Variants in IL1RAPL1 observed in about 807,000 individuals in gnomAD.
IL1RAPL1 encodes the protein interleukin 1 receptor accessory protein like 1.
IL1RAPL1 carries 3 observed loss-of-function variants against 48.4 expected under a neutral mutation model. That is an observed-to-expected ratio of 0.06 (90% CI 0.03 to 0.16). The LOEUF (loss-of-function observed/expected upper bound fraction) is 0.16, where lower values mean the gene tolerates loss of function less well. Among genes scored for constraint, IL1RAPL1 ranks in the 10% least tolerant of loss-of-function variants. The pLI is 1.00. For synonymous variants in IL1RAPL1, 185 were observed against 187.7 expected (o/e 0.99, Z 0.12); for missense variants, 349 against 530.6 (o/e 0.66, Z 3.36).
At chrX:28,650,984 T>A (rs972536598) in intron 1 of IL1RAPL1, among the ~76,000 whole-genome samples, 32 of 112,224 alleles carry the variant, frequency 2.9e-4, no homozygotes, top group African/African-American at 1.0e-3. Context: ...CTAACATGAC[T>A]TCATAAGCGG....
chrX:28,713,699 A>G (rs1935468471), intron 1 of IL1RAPL1, among the ~76,000 whole-genome samples: 1 of 111,308 alleles, frequency 9.0e-6, no homozygotes, highest in African/African-American at 3.3e-5. Context: ...CCTGTTTTCA[A>G]ACTCATACAT....
chrX:28,612,327 G>A (rs760997252), intron 1 of IL1RAPL1, among the ~76,000 whole-genome samples: 2 of 112,350 alleles, frequency 1.8e-5, no homozygotes, highest in Admixed American at 1.9e-4. Context: ...AAACATTGGT[G>A]TCTGCCCTCA....
intron 2 of IL1RAPL1, among the ~76,000 whole-genome samples, chrX:28,956,752 G>C (rs1297089138): frequency 1.9e-4 from 21 of 108,322 alleles, no homozygotes; most frequent in African/African-American, 7.1e-4. Flanking sequence ...GCCTGGCTTT[G>C]GTATCAGAAT....
chrX:29,494,069 A>AT (rs1429718566), intron 5 of IL1RAPL1, among the ~76,000 whole-genome samples: 142 of 98,449 alleles, frequency 1.4e-3, no homozygotes, highest in African/African-American at 3.0e-3. Flanking sequence ...TACTTTTTGT[A>AT]TTTTTTTTTT....
At chrX:29,303,716 G>A in intron 3 of IL1RAPL1, among the ~76,000 whole-genome samples, 1 of 111,609 alleles carries the variant, frequency 9.0e-6, no homozygotes, top group Non-Finnish European at 1.9e-5. Flanking sequence ...TTGGGCCCTA[G>A]GACCTACCAA....
intron 8 of IL1RAPL1, among the ~76,000 whole-genome samples, chrX:29,933,914 A>C (rs1377475191): frequency 9.0e-6 from 1 of 110,878 alleles, no homozygotes; most frequent in Non-Finnish European, 1.9e-5. Flanking sequence ...GCAAAGAGAG[A>C]GGCATGTAGA....
intron 5 of IL1RAPL1, among the ~76,000 whole-genome samples, chrX:29,426,011 A>G (rs1264810368): frequency 9.0e-6 from 1 of 111,385 alleles, no homozygotes; most frequent in Non-Finnish European, 1.9e-5. Context: ...TGCCAGATAC[A>G]TTTGCATTTA....
chrX:29,457,640 G>A (rs1934754840), intron 5 of IL1RAPL1, among the ~76,000 whole-genome samples: 1 of 112,218 alleles, frequency 8.9e-6, no homozygotes, highest in Admixed American at 9.4e-5. Flanking sequence ...CATGGGTGAA[G>A]AAGATACAAG....
At chrX:29,280,466 A>G (rs1379197795) in intron 2 of IL1RAPL1, among the ~76,000 whole-genome samples, 2 of 112,644 alleles carry the variant, frequency 1.8e-5, no homozygotes, top group South Asian at 3.6e-4. Context: ...ATGTGACAGT[A>G]GGGAGAATTA....
chrX:29,665,797 C>T (rs1382490035), intron 5 of IL1RAPL1, among the ~76,000 whole-genome samples: 1 of 112,095 alleles, frequency 8.9e-6, no homozygotes, highest in Non-Finnish European at 1.9e-5. Context: ...AAACATGACA[C>T]TTACAGATGA....
rs774693288 is a variant in IL1RAPL1, at chrX:29,410,205, G to A, written c.703+10897G>A. Among the ~76,000 whole-genome samples the A allele has an allele frequency of 2.7e-5, 3 of 109,587 alleles. No individual in the cohort carries two copies. In the Admixed American group the frequency reaches 2.9e-4, roughly 11 times the overall value. On this transcript the variant is annotated intron_variant, in intron 5 of 10. Coordinates refer to ENST00000378993, the MANE Select transcript of IL1RAPL1 (RefSeq NM_014271.4). Reference sequence around the variant, plus strand: ...TCGCCAGGTGCAGTGGCTCACGTCTGTAATCCCAGGACTTTGGGAGGCTGA... The same window carrying A: ...TCGCCAGGTGCAGTGGCTCACGTCTATAATCCCAGGACTTTGGGAGGCTGA...
At chrX:29,080,029 T>G (rs1344022358) in intron 2 of IL1RAPL1, among the ~76,000 whole-genome samples, 3 of 111,654 alleles carry the variant, frequency 2.7e-5, no homozygotes, top group African/African-American at 6.5e-5. Flanking sequence ...GTTTGTTCTA[T>G]TTTGGTTTTG....
intron 1 of IL1RAPL1, among the ~76,000 whole-genome samples, chrX:28,765,761 C>T (rs1394661801): frequency 1.8e-5 from 2 of 111,851 alleles, no homozygotes; most frequent in African/African-American, 6.5e-5. Context: ...TAAAAAGTAT[C>T]ATGGAACAAT....
intron 5 of IL1RAPL1, among the ~76,000 whole-genome samples, chrX:29,462,861 C>T (rs768089791): frequency 2.7e-5 from 3 of 111,705 alleles, no homozygotes; most frequent in South Asian, 7.5e-4. Flanking sequence ...TTGATCTAAC[C>T]GTCCTGGGGT....
At chrX:29,705,714 A>G (rs1403274338) in intron 6 of IL1RAPL1, among the ~76,000 whole-genome samples, 1 of 111,894 alleles carries the variant, frequency 8.9e-6, no homozygotes, top group Non-Finnish European at 1.9e-5. Context: ...CTTCCTTGCT[A>G]GCAATATATT....
chrX:29,727,417 A>G (rs1927802288), intron 6 of IL1RAPL1, among the ~76,000 whole-genome samples: 1 of 112,175 alleles, frequency 8.9e-6, no homozygotes, highest in Non-Finnish European at 1.9e-5. Context: ...CCCTTTGGGT[A>G]AATTAGCACT....
At chrX:29,655,563 T>TGA (rs1262582342) in intron 5 of IL1RAPL1, among the ~76,000 whole-genome samples, 1 of 101,637 alleles carries the variant, frequency 9.8e-6, no homozygotes, top group African/African-American at 3.7e-5. Flanking sequence ...CTCAGGAGGC[T>TGA]GAGGCAGGAG....
intron 2 of IL1RAPL1, among the ~76,000 whole-genome samples, chrX:29,013,731 G>C (rs1372360212): frequency 3.6e-5 from 4 of 110,716 alleles, no homozygotes; most frequent in African/African-American, 1.3e-4. Flanking sequence ...GTGGGGGAGG[G>C]AGAGCATCAA....
chrX:29,265,159 C>T (rs1931930690), intron 2 of IL1RAPL1, among the ~76,000 whole-genome samples: 1 of 110,949 alleles, frequency 9.0e-6, no homozygotes, highest in African/African-American at 3.3e-5. Flanking sequence ...GTGATCCGCC[C>T]ACCTCGGCCT....
Sources: gnomAD v4.1 joint callset for allele counts (sites outside exome capture counted in the v4.1 genomes callset) on GRCh38, gnomAD v4.1.1 for gene constraint, MANE v1.5 for transcripts, NCBI Gene and HGNC (gene_info 2026-07-23, HGNC 2026-07-21) for gene names.